Variants in G3BP1 observed in about 807,000 individuals in gnomAD.
G3BP1 encodes the protein G3BP stress granule assembly factor 1.
Under a neutral mutation model 58.6 loss-of-function variants are expected in G3BP1, and 35 were observed. That is an observed-to-expected ratio of 0.60 (90% CI 0.46 to 0.79). The LOEUF (loss-of-function observed/expected upper bound fraction) is 0.79, where lower values mean the gene tolerates loss of function less well. Ranked by LOEUF, G3BP1 falls within the 30% of genes least tolerant of loss-of-function variation. G3BP1 has a pLI of 0.00. For synonymous variants in G3BP1, 191 were observed against 195.4 expected (o/e 0.98, Z 0.19); for missense variants, 523 against 580.8 (o/e 0.90, Z 1.02).
Position 151,805,997 on chromosome 5 carries a change from C to G in G3BP1, c.*1906C>G, listed in dbSNP as rs763744425. The G allele has an allele frequency of 1.2e-4, 18 of 152,138 alleles. No homozygotes were observed. The highest frequency in any genetic ancestry group is 2.6e-4 in the Admixed American group (4 of 15,270). The allele number at this position is 152,138 out of a possible 1,614,324, so 9.4% of individuals were successfully genotyped here. A position where few individuals can be genotyped will look rare whatever the true frequency, so the allele number is the denominator to read the frequency against. On this transcript the variant is annotated 3_prime_UTR_variant, in exon 12 of 12. Transcript: ENST00000356245. ...GAGACTTAAGGGCATTAACTAGATG[C>G]AGCAATCCTCAGCTTGGTGTTATCA...
intron 2 of G3BP1, 119 bp downstream of exon 2, chr5:151,786,834 A>G: frequency 1.5e-6 from 1 of 664,080 alleles, no homozygotes; most frequent in Non-Finnish European, 2.7e-6. Flanking sequence ...ACTTATTTAC[A>G]TATAAATATC....
Position 151,790,926 on chromosome 5 carries a change from A to C in G3BP1, c.215A>C (p.Asn72Thr). Residue 72 changes from asparagine to threonine, a missense_variant, in exon 4 of 12, where the codon AAC becomes ACC. By Grantham distance (65) the Asn-to-Thr change is moderately conservative. Coordinates refer to ENST00000356245, the MANE Select transcript of G3BP1 (RefSeq NM_005754.3). ...HRKVMSQNFTNCHTKIRHVDA... is the reference protein window; with the variant it reads ...HRKVMSQNFTTCHTKIRHVDA... ...AAAGTGATGTCACAAAACTTCACCA[A>C]CTGCCACACCAAGATTCGCCATGTT... 1 of 1,608,740 alleles carries C rather than the reference A, an allele frequency of 6.2e-7. No homozygotes were observed. Among genetic ancestry groups the C allele is most frequent in the Non-Finnish European group, 8.5e-7 (1 of 1,176,924 alleles).
chr5:151,788,324 C>A, intron 2 of G3BP1, among the ~76,000 whole-genome samples: 1 of 152,208 alleles, frequency 6.6e-6, no homozygotes, highest in Non-Finnish European at 1.5e-5. Context: ...CAGATACACT[C>A]AGAGGGGTTA....
chr5:151,777,317 C>T (rs1237574710), intron 1 of G3BP1, among the ~76,000 whole-genome samples: 1 of 152,172 alleles, frequency 6.6e-6, no homozygotes, highest in African/African-American at 2.4e-5. Context: ...CAAGTTAGTA[C>T]ACACAAACAC....
chr5:151,786,469 T>C (rs1376681692), intron 1 of G3BP1, 103 bp from the exon 2 acceptor site: 5 of 649,492 alleles, frequency 7.7e-6, no homozygotes, highest in Non-Finnish European at 1.1e-5. Context: ...TGTTTGTTTT[T>C]ATGATGTTTG....
intron 2 of G3BP1, among the ~76,000 whole-genome samples, chr5:151,789,831 T>C (rs1458322827): frequency 1.3e-5 from 2 of 152,054 alleles, no homozygotes; most frequent in African/African-American, 4.8e-5. Context: ...GTTGATCAAG[T>C]GGCATGTAGG....
chr5:151,803,787 C>T (rs1318593887), intron 11 of G3BP1, 98 bp from the exon 12 acceptor site: 4 of 819,224 alleles, frequency 4.9e-6, no homozygotes, highest in Non-Finnish European at 7.9e-6. Context: ...AGTCACCGTG[C>T]CCAGCCTCTG....
At chr5:151,801,079 A>G (rs1332025272) in intron 11 of G3BP1, among the ~76,000 whole-genome samples, 1 of 152,114 alleles carries the variant, frequency 6.6e-6, no homozygotes, top group Non-Finnish European at 1.5e-5. Context: ...AGTTTTTGAA[A>G]ACATGAATTA....
At chr5:151,803,668 G>GT (rs914942178) in intron 11 of G3BP1, among the ~76,000 whole-genome samples, 11 of 151,906 alleles carry the variant, frequency 7.2e-5, no homozygotes, top group African/African-American at 1.2e-4. Flanking sequence ...TAATTTTTGT[G>GT]TTTTTTTAGT....
rs2113265021 is a variant in G3BP1, at chr5:151,811,781, A to C, written c.*7690A>C. On this transcript the variant is annotated 3_prime_UTR_variant, in exon 12 of 12. Coordinates refer to ENST00000356245, the MANE Select transcript of G3BP1 (RefSeq NM_005754.3). ...TGTTACATTAAGGAAGCGATTGCTT[A>C]ACACGCTGCTTAAGGTGGTAGCCAG... The C allele has an allele frequency of 6.6e-6, 1 of 152,352 alleles. No individual in the cohort carries two copies. The highest frequency in any genetic ancestry group is 1.9e-4 in the East Asian group (1 of 5,188). 9.4% of individuals were successfully genotyped at this position (152,352 alleles called of 1,614,324 possible).
At chr5:151,776,098 A>G (rs1762364765) in intron 1 of G3BP1, among the ~76,000 whole-genome samples, 1 of 152,218 alleles carries the variant, frequency 6.6e-6, no homozygotes, top group Non-Finnish European at 1.5e-5. Context: ...CATTGTATGT[A>G]GTCTCCTGAT....
chr5:151,780,679 G>GT (rs543953823), intron 1 of G3BP1, among the ~76,000 whole-genome samples: 491 of 152,098 alleles, frequency 3.2e-3, no homozygotes, highest in Non-Finnish European at 4.6e-3. Context: ...TGCCTGGCCA[G>GT]TTTTTTTGTA....
chr5:151,789,971 C>T (rs1469891482), intron 2 of G3BP1, among the ~76,000 whole-genome samples: 2 of 151,956 alleles, frequency 1.3e-5, no homozygotes, highest in Non-Finnish European at 2.9e-5. Context: ...AGTTTGAGTT[C>T]GAGACCAGCC....
chr5:151,802,366 G>A, intron 11 of G3BP1, among the ~76,000 whole-genome samples: 1 of 152,198 alleles, frequency 6.6e-6, no homozygotes, highest in Non-Finnish European at 1.5e-5. Flanking sequence ...TCATGGTATT[G>A]ATAGAAGTCT....
At chr5:151,798,117 G>GA (rs1483860532) in intron 7 of G3BP1, among the ~76,000 whole-genome samples, 2 of 152,242 alleles carry the variant, frequency 1.3e-5, no homozygotes, top group African/African-American at 4.8e-5. Flanking sequence ...TGGCAAAACA[G>GA]ATAGGGGTTC....
intron 1 of G3BP1, chr5:151,772,572 T>C (rs1762289832): frequency 6.6e-6 from 1 of 152,392 alleles, no homozygotes; most frequent in Non-Finnish European, 1.5e-5. Context: ...GGAGTGGTAG[T>C]AACAACCAAT....
intron 1 of G3BP1, among the ~76,000 whole-genome samples, chr5:151,778,675 C>T (rs111857537): frequency 0.024 from 3,665 of 152,020 alleles, 154 homozygotes; most frequent in African/African-American, 0.082. Context: ...CTACTGACTT[C>T]GGGTGATATG....
At position 151,803,941 on chromosome 5, in the gene G3BP1, T is replaced by A. The variant is rs749119207; in HGVS notation, c.1251T>A (p.Ala417=). ...RLNVEEKKTR[A]AREGDRRDNR... ...ATGTCGAAGAGAAGAAGACTCGAGC[T>A]GCCAGGGAAGGCGACCGACGAGATA... The change falls in exon 12 of 12, where the codon GCT becomes GCA. Residue 417 remains alanine (A), a synonymous_variant. Transcript: ENST00000356245. The A allele has an allele frequency of 6.2e-7, 1 of 1,614,044 alleles. No homozygotes were observed. The highest frequency in any genetic ancestry group is 8.5e-7 in the Non-Finnish European group (1 of 1,179,930).
At position 151,800,920 on chromosome 5, in the gene G3BP1, T is replaced by C. The variant is rs745982146; in HGVS notation, c.1194+51T>C. On this transcript the variant is annotated intron_variant, in intron 11 of 11. Coordinates refer to ENST00000356245, the MANE Select transcript of G3BP1 (RefSeq NM_005754.3). ...TTTTTTTTTTTTTTAAAAAGGGTTT[T>C]GGTTCTTTAGAATATATCTTTACAG... 1.4e-5 allele frequency: 13 copies of C among 898,674 alleles called. No individual in the cohort carries two copies. The South Asian group carries it at 1.6e-4, about 11-fold the overall frequency. The allele number at this position is 898,674 out of a possible 1,614,324, so 55.7% of individuals were successfully genotyped here. A position where few individuals can be genotyped will look rare whatever the true frequency, so the allele number is the denominator to read the frequency against.
Sources: gnomAD v4.1 joint callset for allele counts (sites outside exome capture counted in the v4.1 genomes callset) on GRCh38, gnomAD v4.1.1 for gene constraint, MANE v1.5 for transcripts, NCBI Gene and HGNC (gene_info 2026-07-23, HGNC 2026-07-21) for gene names.